The following RBFOX1 variants were observed in gnomAD, a reference collection of about 807,000 sequenced individuals.
RBFOX1 encodes the protein RNA binding protein fox-1 homolog 1.
A neutral mutation model predicts 57.7 loss-of-function variants in RBFOX1; 8 were observed. The observed-to-expected ratio is 0.14, with a 90% CI of 0.08 to 0.25. The LOEUF (loss-of-function observed/expected upper bound fraction) is 0.25. Ranked by LOEUF, RBFOX1 falls within the 10% of genes least tolerant of loss-of-function variation. RBFOX1 has a pLI of 1.00. For missense variants in RBFOX1, 611 were observed against 548.5 expected (o/e 1.11, Z -1.14); for synonymous variants, 326 against 222.4 (o/e 1.47, Z -4.15).
chr16:6,676,503 C>T (rs752716436), intron 3 of RBFOX1, among the ~76,000 whole-genome samples: 15 of 152,026 alleles, frequency 9.9e-5, no homozygotes, highest in Admixed American at 6.6e-4. Context: ...GGAATGAAAA[C>T]TTTGACTTGA....
intron 4 of RBFOX1, among the ~76,000 whole-genome samples, chr16:7,250,967 G>C (rs2094479397): frequency 6.6e-6 from 1 of 152,124 alleles, no homozygotes; most frequent in Non-Finnish European, 1.5e-5. Context: ...GAATGGCGAA[G>C]TCAGGCTAAT....
intron 3 of RBFOX1, among the ~76,000 whole-genome samples, chr16:6,915,372 A>G (rs1347001965): frequency 6.6e-6 from 1 of 152,192 alleles, no homozygotes; most frequent in Non-Finnish European, 1.5e-5. Context: ...TAGAAAGGAA[A>G]CACGCAGCTT....
intron 2 of RBFOX1, among the ~76,000 whole-genome samples, chr16:6,349,570 A>T (rs142731598): frequency 6.6e-6 from 1 of 152,250 alleles, no homozygotes; most frequent in Non-Finnish European, 1.5e-5. Flanking sequence ...AACAATTTGC[A>T]TGGCTTACTA....
intron 4 of RBFOX1, among the ~76,000 whole-genome samples, chr16:7,506,804 ATC>A (rs1364643661): frequency 1.4e-5 from 2 of 143,992 alleles, no homozygotes; most frequent in African/African-American, 4.9e-5. Flanking sequence ...GAGGTATGTG[ATC>A]TGCCAAAGGT....
At chr16:5,554,548 T>C (rs910033139) in intron 2 of RBFOX1, among the ~76,000 whole-genome samples, 6 of 152,270 alleles carry the variant, frequency 3.9e-5, no homozygotes, top group African/African-American at 1.4e-4. Context: ...GCAACTTCAA[T>C]CAGATAGTGT....
At chr16:7,119,104 C>T (rs1266438303) in intron 4 of RBFOX1, among the ~76,000 whole-genome samples, 1 of 152,112 alleles carries the variant, frequency 6.6e-6, no homozygotes, top group East Asian at 1.9e-4. Flanking sequence ...CATGCGGAAT[C>T]TAGGCAAGTG....
chr16:5,851,397 C>A (rs1032513451), intron 3 of RBFOX1, among the ~76,000 whole-genome samples: 1 of 152,084 alleles, frequency 6.6e-6, no homozygotes, highest in African/African-American at 2.4e-5. Context: ...TTCCCTAGAC[C>A]GCCTCTCTCT....
chr16:5,512,513 A>C (rs80023532), intron 2 of RBFOX1, among the ~76,000 whole-genome samples: 1 of 152,214 alleles, frequency 6.6e-6, no homozygotes, highest in East Asian at 1.9e-4. Context: ...AAACACAATC[A>C]TCACAATCAT....
At chr16:5,441,119 G>A (rs1343325302) in intron 1 of RBFOX1, among the ~76,000 whole-genome samples, 1 of 152,266 alleles carries the variant, frequency 6.6e-6, no homozygotes, top group Non-Finnish European at 1.5e-5. Flanking sequence ...GACTAGTCTG[G>A]CTGTGCCCAG....
intron 3 of RBFOX1, among the ~76,000 whole-genome samples, chr16:6,663,054 C>T (rs1446499448): frequency 6.6e-6 from 1 of 152,192 alleles, no homozygotes. Context: ...AAGTTTCAAA[C>T]TCTCCTTGTG....
intron 3 of RBFOX1, among the ~76,000 whole-genome samples, chr16:6,700,173 G>A (rs9888884): frequency 0.15 from 20,356 of 134,418 alleles, 2,024 homozygotes; most frequent in African/African-American, 0.34. Flanking sequence ...AGCCAGAGTC[G>A]GGGGACTTAC....
intron 4 of RBFOX1, among the ~76,000 whole-genome samples, chr16:7,281,277 A>G (rs1475581408): frequency 6.6e-6 from 1 of 151,746 alleles, no homozygotes; most frequent in Admixed American, 6.6e-5. Flanking sequence ...TGTTGGGACT[A>G]CAGGCGTGAG....
chr16:6,395,521 CT>C (rs913983149), intron 2 of RBFOX1, among the ~76,000 whole-genome samples: 35 of 151,026 alleles, frequency 2.3e-4, no homozygotes, highest in East Asian at 5.8e-4. Context: ...TAAGTTCTTA[CT>C]TTTTTTTTAC....
chr16:6,460,351 G>A lies in RBFOX1; in HGVS notation c.-64+143294G>A, dbSNP rs148426159. Among the ~76,000 whole-genome samples, 1,347 of 151,912 alleles carry A rather than the reference G, an allele frequency of 8.9e-3. 8 individuals carry two copies. Among genetic ancestry groups the A allele is most frequent in the South Asian group, 0.015 (71 of 4,822 alleles). ...GAGAGAAAATTTTTGCAATCTATCC[G>A]TCTGACAAAGGTCTAATATCCAGAA... On this transcript the variant is annotated intron_variant, in intron 2 of 15. Transcript: ENST00000550418.
chr16:5,751,320 G>C (rs185725982), intron 3 of RBFOX1, among the ~76,000 whole-genome samples: 1 of 151,840 alleles, frequency 6.6e-6, no homozygotes, highest in East Asian at 1.9e-4. Flanking sequence ...ATTAACATTT[G>C]TAGTGCCCTA....
At chr16:6,734,037 T>G (rs2069399786) in intron 3 of RBFOX1, among the ~76,000 whole-genome samples, 1 of 152,204 alleles carries the variant, frequency 6.6e-6, no homozygotes, top group South Asian at 2.1e-4. Context: ...CGTGCTTATG[T>G]TTCTTGCCAT....
At chr16:7,140,483 T>C (rs558271587) in intron 4 of RBFOX1, among the ~76,000 whole-genome samples, 1 of 152,238 alleles carries the variant, frequency 6.6e-6, no homozygotes, top group East Asian at 1.9e-4. Context: ...TTTCTTCAAT[T>C]TATTGTTGGA....
intron 10 of RBFOX1, among the ~76,000 whole-genome samples, chr16:7,612,947 T>G (rs1409248241): frequency 6.6e-6 from 1 of 152,106 alleles, no homozygotes; most frequent in African/African-American, 2.4e-5. Context: ...CACACATAAC[T>G]CACTTCCGTG....
intron 3 of RBFOX1, among the ~76,000 whole-genome samples, chr16:5,631,885 A>C (rs1298636227): frequency 6.6e-6 from 1 of 152,196 alleles, no homozygotes; most frequent in African/African-American, 2.4e-5. Flanking sequence ...TGGGATGGAC[A>C]CTGGGGTGTT....
Sources: allele counts gnomAD v4.1 joint callset (sites outside exome capture counted in the v4.1 genomes callset), GRCh38; gene constraint gnomAD v4.1.1; transcripts MANE v1.5; gene names NCBI Gene and HGNC (gene_info 2026-07-23, HGNC 2026-07-21).